Variants in HPS4 observed in about 807,000 individuals in gnomAD.
HPS4 encodes the protein BLOC-3 complex member HPS4.
HPS4 carries 44 observed loss-of-function variants against 70.3 expected under a neutral mutation model. The ratio of observed to expected loss-of-function variants is 0.63; its 90% CI spans 0.49 to 0.80. The LOEUF is 0.80. HPS4 is among the 30% of genes least tolerant of loss of function. HPS4 has a pLI of 0.00. For synonymous variants in HPS4, 377 were observed against 355.9 expected (o/e 1.06, Z -0.67); for missense variants, 873 against 884.4 (o/e 0.99, Z 0.16).
chr22:26,478,097 G>C (rs762220049), intron 3 of HPS4, among the ~76,000 whole-genome samples: 1 of 152,148 alleles, frequency 6.6e-6, no homozygotes, highest in African/African-American at 2.4e-5. Flanking sequence ...CTGGGTATCA[G>C]GTAATATTAA....
intron 12 of HPS4, 82 bp from the exon 13 acceptor site, chr22:26,458,049 G>T: frequency 8.7e-7 from 1 of 1,150,774 alleles, no homozygotes; most frequent in Non-Finnish European, 1.3e-6. Context: ...TACTGAACAC[G>T]GGGACTGAGC....
intron 4 of HPS4, chr22:26,475,347 C>CTTTTTTTT (rs5844705): frequency 1.0e-5 from 1 of 95,644 alleles, no homozygotes. Context: ...CATTAAATTT[C>CTTTTTTTT]TTTTTTTTTT....
chr22:26,466,137 G>T, intron 9 of HPS4, 89 bp downstream of exon 9: 1 of 1,611,896 alleles, frequency 6.2e-7, no homozygotes, highest in South Asian at 1.1e-5. Context: ...ACATGCAGAT[G>T]GCTTGGTTTC....
downstream of HPS4, among the ~76,000 whole-genome samples, chr22:26,448,104 A>G (rs5752327): frequency 0.88 from 134,151 of 152,230 alleles, 59,683 homozygotes; most frequent in Non-Finnish European, 0.94. Flanking sequence ...AGCACAGCGC[A>G]TCTTCTGAAG....
intron 4 of HPS4, among the ~76,000 whole-genome samples, chr22:26,473,698 G>C (rs1337725312): frequency 6.6e-6 from 1 of 152,006 alleles, no homozygotes; most frequent in East Asian, 1.9e-4. Context: ...AGCCGAGATT[G>C]CGCTACTGCA....
intron 6 of HPS4, 125 bp downstream of exon 6, chr22:26,472,177 T>TC (rs2089914947): frequency 1.3e-5 from 10 of 764,772 alleles, no homozygotes; most frequent in Non-Finnish European, 2.1e-5. Flanking sequence ...TGCCGTGTCA[T>TC]GGCCCTGCCT....
chr22:26,472,170 C>A, intron 6 of HPS4, 132 bp downstream of exon 6: 1 of 743,576 alleles, frequency 1.3e-6, no homozygotes, highest in Admixed American at 1.8e-5. Flanking sequence ...GGTGACCTGC[C>A]GTGTCATGGC....
chr22:26,472,802 AT>A, intron 5 of HPS4, 29 bp downstream of exon 5: 1 of 1,524,882 alleles, frequency 6.6e-7, no homozygotes, highest in Non-Finnish European at 9.1e-7. Flanking sequence ...AAGAGGCCCA[AT>A]GTAAGACTCC....
chr22:26,466,752 C>T (rs2088704983), intron 8 of HPS4: 9 of 167,984 alleles, frequency 5.4e-5, no homozygotes, highest in Non-Finnish European at 1.1e-4. Context: ...TGTTCTGGTT[C>T]ACAATCAGGG....
intron 4 of HPS4, among the ~76,000 whole-genome samples, chr22:26,474,376 G>C (rs1366726319): frequency 7.9e-6 from 1 of 126,200 alleles, no homozygotes; most frequent in Non-Finnish European, 1.8e-5. Flanking sequence ...TGGTTATCCA[G>C]GTGGAAAAAA....
At chr22:26,455,296 G>A (rs1439727319) in intron 13 of HPS4, among the ~76,000 whole-genome samples, 8 of 151,742 alleles carry the variant, frequency 5.3e-5, no homozygotes, top group East Asian at 1.9e-4. Context: ...TGTTTATAGC[G>A]GCACTATTCA....
intron 2 of HPS4, 119 bp from the exon 3 acceptor site, chr22:26,479,474 G>A (rs186905010): frequency 6.7e-7 from 1 of 1,503,266 alleles, no homozygotes; most frequent in East Asian, 2.5e-5. Context: ...AAGCCTTCAG[G>A]TGGCCCCAGA....
intron 8 of HPS4, chr22:26,466,753 A>C: frequency 4.2e-5 from 7 of 167,122 alleles, no homozygotes; most frequent in Non-Finnish European, 5.4e-5. Context: ...GTTCTGGTTC[A>C]CAATCAGGGC....
chr22:26,454,779 T>C (rs947034686), intron 13 of HPS4, among the ~76,000 whole-genome samples: 1 of 152,092 alleles, frequency 6.6e-6, no homozygotes, highest in African/African-American at 2.4e-5. Context: ...GAAACTACCA[T>C]CAGAGTGAAC....
chr22:26,447,471 C>T (rs546348521), downstream of HPS4, among the ~76,000 whole-genome samples: 2 of 152,266 alleles, frequency 1.3e-5, no homozygotes, highest in African/African-American at 4.8e-5. Flanking sequence ...TCCTAATCCA[C>T]TCTGTGAGTG....
intron 3 of HPS4, among the ~76,000 whole-genome samples, chr22:26,445,796 G>A (rs1175971696): frequency 6.6e-6 from 1 of 152,218 alleles, no homozygotes; most frequent in Non-Finnish European, 1.5e-5. Context: ...CAGTGGGTGT[G>A]GCCAGAGAAG....
intron 4 of HPS4, chr22:26,476,299 G>C (rs1345263838): frequency 1.3e-5 from 2 of 151,826 alleles, no homozygotes; most frequent in Non-Finnish European, 2.9e-5. Flanking sequence ...GTAGCCATGG[G>C]AAACAGCACT....
At chr22:26,447,710 A>G (rs1174283458), downstream of HPS4, among the ~76,000 whole-genome samples, 1 of 152,130 alleles carries the variant, frequency 6.6e-6, no homozygotes. Flanking sequence ...AAGGCCACAT[A>G]TTTTAGAACT....
In HPS4 at chr22:26,472,821, C is replaced by T. The variant is rs2090022110; in HGVS notation, c.384+11G>A. 3 of 1,599,550 alleles carry T rather than the reference C, an allele frequency of 1.9e-6. No homozygotes were observed. Among genetic ancestry groups the T allele is most frequent in the Non-Finnish European group, 1.7e-6 (2 of 1,166,782 alleles). On this transcript the variant is annotated intron_variant, in intron 5 of 13. Coordinates refer to ENST00000398145, the MANE Select transcript of HPS4 (RefSeq NM_022081.6). ...GGCCCAATGTAAGACTCCTCAACCC[C>T]ATACTTGTACCTCATAAGCTAGGGA...
Sources: gnomAD v4.1 joint callset for allele counts (sites outside exome capture counted in the v4.1 genomes callset) on GRCh38, gnomAD v4.1.1 for gene constraint, MANE v1.5 for transcripts, NCBI Gene and HGNC (gene_info 2026-07-23, HGNC 2026-07-21) for gene names.